Variants in PPP1R9A observed in about 807,000 individuals in gnomAD.
PPP1R9A encodes neurabin-1.
Under a neutral mutation model 141.9 loss-of-function variants are expected in PPP1R9A, and 59 were observed. The observed-to-expected ratio is 0.42, with a 90% CI of 0.34 to 0.52. PPP1R9A has a LOEUF of 0.52. Ranked by LOEUF, PPP1R9A falls within the 20% of genes least tolerant of loss-of-function variation. The pLI is 0.10. For missense variants in PPP1R9A, 1,444 were observed against 1,611.9 expected (o/e 0.90, Z 1.78); for synonymous variants, 500 against 569.7 (o/e 0.88, Z 1.74).
At chr7:95,263,143 T>C (rs73223920) in intron 12 of PPP1R9A, among the ~76,000 whole-genome samples, 18,965 of 152,140 alleles carry the variant, frequency 0.12, 1,302 homozygotes, top group East Asian at 0.16. Context: ...CATGTGGAGA[T>C]ACTGAGTCCT....
intron 5 of PPP1R9A, among the ~76,000 whole-genome samples, chr7:95,162,623 G>T (rs142394563): frequency 0.017 from 2,578 of 152,152 alleles, 36 homozygotes; most frequent in South Asian, 0.052. Context: ...CTTCAGTATT[G>T]CTTATATCAT....
chr7:95,275,403 CAAAAA>C (rs10708689), intron 16 of PPP1R9A, among the ~76,000 whole-genome samples: 2 of 96,876 alleles, frequency 2.1e-5, no homozygotes, highest in African/African-American at 4.0e-5. Context: ...GACTCCGTCT[CAAAAA>C]AAAAAAAAAA....
At chr7:95,003,728 G>A (rs551524371) in intron 2 of PPP1R9A, among the ~76,000 whole-genome samples, 2 of 152,276 alleles carry the variant, frequency 1.3e-5, no homozygotes, top group African/African-American at 4.8e-5. Context: ...TAACCCCAGA[G>A]ATTCTGATTT....
chr7:95,260,897 A>G (rs1032711309), intron 12 of PPP1R9A, among the ~76,000 whole-genome samples: 16 of 152,222 alleles, frequency 1.1e-4, no homozygotes, highest in African/African-American at 2.9e-4. Context: ...AGGAAACTTC[A>G]GAAGACTACT....
chr7:95,241,522 G>GT (rs1305605257), intron 8 of PPP1R9A, among the ~76,000 whole-genome samples: 8 of 152,140 alleles, frequency 5.3e-5, no homozygotes, highest in South Asian at 4.1e-4. Flanking sequence ...TTGATTGTGA[G>GT]TTTTTTTGTT....
At chr7:94,945,421 A>G (rs569359541) in intron 2 of PPP1R9A, among the ~76,000 whole-genome samples, 168 of 152,206 alleles carry the variant, frequency 1.1e-3, no homozygotes, top group African/African-American at 3.9e-3. Flanking sequence ...GGAGGGACAT[A>G]TATTAGGGAG....
At chr7:95,011,766 A>G (rs1317537464) in intron 2 of PPP1R9A, among the ~76,000 whole-genome samples, 1 of 152,184 alleles carries the variant, frequency 6.6e-6, no homozygotes, top group African/African-American at 2.4e-5. Context: ...CTTATGAATG[A>G]CTTAGATGAA....
At chr7:95,251,213 A>C (rs776133521) in intron 10 of PPP1R9A, among the ~76,000 whole-genome samples, 9 of 152,164 alleles carry the variant, frequency 5.9e-5, no homozygotes, top group African/African-American at 2.2e-4. Flanking sequence ...AAATTTTGCT[A>C]AATTTGCATA....
At chr7:94,931,234 T>A (rs1403215041) in intron 2 of PPP1R9A, among the ~76,000 whole-genome samples, 2 of 152,200 alleles carry the variant, frequency 1.3e-5, no homozygotes, top group African/African-American at 4.8e-5. Context: ...TAAGAGGTTT[T>A]ATGTTCTTTT....
intron 2 of PPP1R9A, among the ~76,000 whole-genome samples, chr7:94,968,958 A>C (rs1287645728): frequency 6.6e-6 from 1 of 151,900 alleles, no homozygotes; most frequent in Non-Finnish European, 1.5e-5. Context: ...TGTATGCTTC[A>C]CGAAGTTCTC....
At chr7:95,066,038 C>T (rs917188159) in intron 2 of PPP1R9A, among the ~76,000 whole-genome samples, 2 of 152,090 alleles carry the variant, frequency 1.3e-5, no homozygotes, top group African/African-American at 2.4e-5. Context: ...GTCCCTACCC[C>T]CAAGTTCATG....
chr7:95,247,361 G>C, intron 8 of PPP1R9A, 112 bp from the exon 9 acceptor site: 1 of 784,274 alleles, frequency 1.3e-6, no homozygotes, highest in Middle Eastern at 3.6e-4. Context: ...CTGCACTGCA[G>C]CACTTTTCTA....
chr7:95,241,672 A>T (rs900627661), intron 8 of PPP1R9A, among the ~76,000 whole-genome samples: 2 of 152,108 alleles, frequency 1.3e-5, no homozygotes, highest in African/African-American at 4.8e-5. Flanking sequence ...TGCAACAATT[A>T]AAAAAATTCG....
chr7:94,950,940 G>A (rs1306794620), intron 2 of PPP1R9A, among the ~76,000 whole-genome samples: 1 of 151,986 alleles, frequency 6.6e-6, no homozygotes, highest in Non-Finnish European at 1.5e-5. Context: ...TAGAGATGAG[G>A]TTTCGCCATG....
At chr7:94,990,305 G>A (rs1014096614) in intron 2 of PPP1R9A, among the ~76,000 whole-genome samples, 1 of 152,100 alleles carries the variant, frequency 6.6e-6, no homozygotes, top group African/African-American at 2.4e-5. Context: ...AAGGATTATA[G>A]AGCCAAATGA....
intron 2 of PPP1R9A, among the ~76,000 whole-genome samples, chr7:94,931,504 A>C (rs1794152400): frequency 6.6e-6 from 1 of 152,190 alleles, no homozygotes; most frequent in African/African-American, 2.4e-5. Context: ...TAGGTATACT[A>C]ACCAACATGA....
chr7:95,108,461 C>A (rs1361936505), intron 2 of PPP1R9A, among the ~76,000 whole-genome samples: 2 of 151,462 alleles, frequency 1.3e-5, no homozygotes, highest in African/African-American at 4.9e-5. Context: ...CAGGTGCCTG[C>A]CACCACACCC....
chr7:94,977,275 G>A (rs553124559), intron 2 of PPP1R9A, among the ~76,000 whole-genome samples: 24 of 152,196 alleles, frequency 1.6e-4, no homozygotes, highest in African/African-American at 5.5e-4. Context: ...GAAGAGATTC[G>A]AGTCACAAGC....
At chr7:95,264,237 G>T (rs1423768889) in intron 12 of PPP1R9A, among the ~76,000 whole-genome samples, 4 of 152,198 alleles carry the variant, frequency 2.6e-5, no homozygotes, top group South Asian at 2.1e-4. Context: ...ATGCCACCAA[G>T]TGCCTCATGA....
Sources: gnomAD v4.1 joint callset for allele counts (sites outside exome capture counted in the v4.1 genomes callset) on GRCh38, gnomAD v4.1.1 for gene constraint, MANE v1.5 for transcripts, NCBI Gene and HGNC (gene_info 2026-07-23, HGNC 2026-07-21) for gene names.